Variants in NKD1 observed in about 807,000 individuals in gnomAD.
NKD1 encodes NKD inhibitor of Wnt signaling pathway 1, also known as protein naked cuticle homolog 1.
In NKD1, 21 loss-of-function variants were observed where a neutral mutation model predicts 56.0. The observed-to-expected ratio is 0.38, with a 90% CI of 0.27 to 0.54. The LOEUF (loss-of-function observed/expected upper bound fraction) is 0.54. NKD1 is among the 20% of genes least tolerant of loss of function. The pLI, the probability that NKD1 is intolerant of heterozygous loss-of-function variation, is 0.82. For synonymous variants in NKD1, 263 were observed against 265.7 expected (o/e 0.99, Z 0.10); for missense variants, 578 against 642.7 (o/e 0.90, Z 1.09).
chr16:50,621,518 G>T, intron 4 of NKD1, 84 bp from the exon 5 acceptor site: 1 of 936,604 alleles, frequency 1.1e-6, no homozygotes, highest in Non-Finnish European at 1.6e-6. Flanking sequence ...TCCAGGCCAG[G>T]CATGGAGGAC....
At position 50,630,844 on chromosome 16, in the gene NKD1, C is replaced by T; in HGVS notation, c.629C>T (p.Pro210Leu). Residue 210 changes from proline to leucine, a missense_variant, in exon 8 of 10, where the codon CCC (proline) becomes CTC (leucine). Coordinates refer to ENST00000268459, the MANE Select transcript of NKD1 (RefSeq NM_033119.5). The stretch of plus-strand genomic sequence containing the variant: ...GACTCAGACCTGCAGAGCGCAAGGC[C>T]CCGAGCAGAGACCAAGCCCACTGAG... ...VNQADLQSAR[P>L]RAETKPTEDL... The T allele has an allele frequency of 6.2e-7, 1 of 1,605,500 alleles. No individual in the cohort carries two copies. Among genetic ancestry groups the T allele is most frequent in the Non-Finnish European group, 8.5e-7 (1 of 1,176,594 alleles).
At chr16:50,573,147 C>T (rs1159651713) in intron 3 of NKD1, among the ~76,000 whole-genome samples, 2 of 152,206 alleles carry the variant, frequency 1.3e-5, no homozygotes, top group African/African-American at 2.4e-5. Flanking sequence ...TTATCATTCC[C>T]TCCAAGAAGA....
At chr16:50,612,134 T>C (rs984538104) in intron 4 of NKD1, among the ~76,000 whole-genome samples, 6 of 152,206 alleles carry the variant, frequency 3.9e-5, no homozygotes, top group Non-Finnish European at 8.8e-5. Flanking sequence ...GGAAAGTCAA[T>C]ACCCTGTAGT....
chr16:50,598,204 C>T lies in NKD1; in HGVS notation c.193-10090C>T, dbSNP rs1381646801. Among the ~76,000 whole-genome samples the T allele has an allele frequency of 6.6e-6, 1 of 150,640 alleles. No homozygotes were observed. Among genetic ancestry groups the T allele is most frequent in the East Asian group, 1.9e-4 (1 of 5,130 alleles). ...CTTCTGCAAGATGGTTTCTCCAGGG[C>T]ACTGCAGGGCCGCATGGGTGGACTC... On this transcript the variant is annotated intron_variant, in intron 3 of 9. Transcript: ENST00000268459. This position sits in a 1 kb window ranked among gnomAD's most constrained non-coding sequence, Gnocchi z 4.2.
chr16:50,592,889 A>G (rs1355144624), intron 3 of NKD1, among the ~76,000 whole-genome samples: 1 of 152,124 alleles, frequency 6.6e-6, no homozygotes, highest in Non-Finnish European at 1.5e-5. Context: ...CCCTTTACCC[A>G]GGGCAGTTCC....
At chr16:50,616,174 G>A (rs1457827981) in intron 4 of NKD1, 3 of 430,420 alleles carry the variant, frequency 7.0e-6, no homozygotes, top group Admixed American at 2.4e-5. Flanking sequence ...CGAGCATCCA[G>A]ACTCTAGCAA....
intron 3 of NKD1, among the ~76,000 whole-genome samples, chr16:50,564,320 G>A (rs991406216): frequency 1.3e-5 from 2 of 152,180 alleles, no homozygotes; most frequent in Non-Finnish European, 2.9e-5. Flanking sequence ...CTGGCGTCTC[G>A]TCCTCTTGGC....
chr16:50,557,075 G>A (rs771272069), intron 3 of NKD1: 1 of 152,092 alleles, frequency 6.6e-6, no homozygotes, highest in African/African-American at 2.4e-5. Flanking sequence ...TCTTGGAGTG[G>A]GCATTGAGTA....
chr16:50,597,615 A>G (rs1339463746), intron 3 of NKD1, among the ~76,000 whole-genome samples: 2 of 152,108 alleles, frequency 1.3e-5, no homozygotes, highest in Non-Finnish European at 2.9e-5. Context: ...CTTTTTGTTT[A>G]TCAACAGCAC....
At chr16:50,622,099 G>T (rs1962105212) in intron 5 of NKD1, among the ~76,000 whole-genome samples, 1 of 152,240 alleles carries the variant, frequency 6.6e-6, no homozygotes, top group African/African-American at 2.4e-5. Context: ...GGGGATCTCA[G>T]GTGGGATGGA....
rs141647090 is a variant in NKD1, at chr16:50,552,854, C to T, written c.192+3299C>T. Among the ~76,000 whole-genome samples the T allele has an allele frequency of 3.5e-4, 53 of 152,328 alleles. No individual in the cohort carries two copies. In the East Asian group the frequency reaches 8.9e-3, roughly 25 times the overall value. ...AGAATGCTAGAGGCTCTCTGCCTCC[C>T]CCACTGTCATGGCAGGCTCACTTGG... is the stretch of plus-strand genomic sequence containing the variant. On this transcript the variant is annotated intron_variant, in intron 3 of 9. Coordinates refer to ENST00000268459, the MANE Select transcript of NKD1 (RefSeq NM_033119.5).
At chr16:50,596,817 C>T (rs927305832) in intron 3 of NKD1, among the ~76,000 whole-genome samples, 2 of 152,134 alleles carry the variant, frequency 1.3e-5, no homozygotes, top group Non-Finnish European at 2.9e-5. Flanking sequence ...ACCTAGGTGA[C>T]AAGGTGATAA....
chr16:50,630,430 T>C, intron 7 of NKD1, 97 bp downstream of exon 7: 3 of 1,393,474 alleles, frequency 2.2e-6, no homozygotes, highest in Non-Finnish European at 3.0e-6. Flanking sequence ...CTGTGGGCTT[T>C]CTGGGGCAGC....
chr16:50,574,976 G>A (rs1422590889), intron 3 of NKD1: 1 of 985,170 alleles, frequency 1.0e-6, no homozygotes, highest in African/African-American at 1.7e-5. Context: ...TTCTTTAAAA[G>A]CATAACCCTG....
intron 3 of NKD1, among the ~76,000 whole-genome samples, chr16:50,575,532 G>T (rs1005103274): frequency 6.6e-5 from 10 of 152,162 alleles, no homozygotes; most frequent in African/African-American, 2.4e-4. Flanking sequence ...CTCCTTCCCC[G>T]GGCTGTGGGG....
At chr16:50,625,464 C>T (rs752565870) in intron 5 of NKD1, 21 bp from the exon 6 acceptor site, 24 of 1,565,650 alleles carry the variant, frequency 1.5e-5, no homozygotes, top group African/African-American at 4.1e-5. Flanking sequence ...GGACCAGCCC[C>T]GCCCATCTCT....
intron 7 of NKD1, 44 bp from the exon 8 acceptor site, chr16:50,630,782 G>A (rs1473008254): frequency 1.3e-5 from 20 of 1,517,658 alleles, no homozygotes; most frequent in Non-Finnish European, 1.8e-5. Flanking sequence ...GGTGGGAGCA[G>A]GCAGCTCACC....
At position 50,627,111 on chromosome 16, in the gene NKD1, T is replaced by C. The variant is rs1482941977; in HGVS notation, c.462+1531T>C. On this transcript the variant is annotated intron_variant, in intron 6 of 9. Coordinates refer to ENST00000268459, the MANE Select transcript of NKD1 (RefSeq NM_033119.5). ...CTTTTAAGCACCCAGGACTCTGACA[T>C]GTAAGTGACAGAATACATGCTCCAA... 3.9e-5 allele frequency among the ~76,000 whole-genome samples: 6 copies of C among 152,002 alleles called. No individual in the cohort carries two copies. In the East Asian group the frequency reaches 1.2e-3, roughly 29 times the overall value.
intron 3 of NKD1, among the ~76,000 whole-genome samples, chr16:50,596,281 C>G (rs1961470147): frequency 6.6e-6 from 1 of 152,236 alleles, no homozygotes; most frequent in Admixed American, 6.5e-5. Flanking sequence ...TGCTGTAGGT[C>G]TTGCCACTGC....
Sources: gnomAD v4.1 joint callset for allele counts (sites outside exome capture counted in the v4.1 genomes callset) on GRCh38, gnomAD v4.1.1 for gene constraint, Gnocchi (gnomAD v3.1) non-coding constraint, MANE v1.5 for transcripts, NCBI Gene and HGNC (gene_info 2026-07-23, HGNC 2026-07-21) for gene names.